Variants in RHOJ observed in about 807,000 individuals in gnomAD.
The protein encoded by RHOJ is rho-related GTP-binding protein RhoJ.
RHOJ carries 11 observed loss-of-function variants against 23.4 expected under a neutral mutation model. The observed-to-expected ratio is 0.47, with a 90% CI of 0.30 to 0.78. RHOJ has a LOEUF of 0.78. Among genes scored for constraint, RHOJ ranks in the 30% least tolerant of loss-of-function variants. The pLI, the probability that RHOJ is intolerant of heterozygous loss-of-function variation, is 0.08. For synonymous variants in RHOJ, 102 were observed against 102.7 expected (o/e 0.99, Z 0.04); for missense variants, 254 against 273.4 (o/e 0.93, Z 0.50).
chr14:63,269,297 C>T (rs1895424035), intron 2 of RHOJ, 129 bp downstream of exon 2: 1 of 610,202 alleles, frequency 1.6e-6, no homozygotes, highest in Admixed American at 2.8e-5. Flanking sequence ...AATTTATTGT[C>T]TGCCTAAATG....
At chr14:63,218,708 G>A (rs1330682416) in intron 1 of RHOJ, among the ~76,000 whole-genome samples, 1 of 152,124 alleles carries the variant, frequency 6.6e-6, no homozygotes, top group Non-Finnish European at 1.5e-5. Context: ...CTATACCAGG[G>A]TAATCTAGAA....
At chr14:63,283,100 T>C in intron 3 of RHOJ, 21 bp from the exon 4 acceptor site, 2 of 1,585,628 alleles carry the variant, frequency 1.3e-6, no homozygotes, top group Middle Eastern at 3.3e-4. Flanking sequence ...AAATAAGTTT[T>C]CACGTGTGTT....
intron 1 of RHOJ, among the ~76,000 whole-genome samples, chr14:63,213,686 G>T (rs72712549): frequency 0.045 from 6,873 of 152,130 alleles, 192 homozygotes; most frequent in East Asian, 0.12. Flanking sequence ...TCCTGCTTTT[G>T]GTCATATAAG....
At chr14:63,275,160 A>AT (rs1185119723) in intron 2 of RHOJ, among the ~76,000 whole-genome samples, 1 of 151,886 alleles carries the variant, frequency 6.6e-6, no homozygotes, top group Non-Finnish European at 1.5e-5. Flanking sequence ...TCTCTACAAC[A>AT]TTTTTTTAAT....
chr14:63,277,985 A>ACACC (rs1363786829), intron 2 of RHOJ, among the ~76,000 whole-genome samples: 2 of 151,958 alleles, frequency 1.3e-5, no homozygotes, highest in East Asian at 3.8e-4. Context: ...ACACACACAC[A>ACACC]CACACACACA....
At chr14:63,254,748 T>C (rs530892983) in intron 1 of RHOJ, among the ~76,000 whole-genome samples, 1 of 152,220 alleles carries the variant, frequency 6.6e-6, no homozygotes, top group South Asian at 2.1e-4. Flanking sequence ...CCTAAAGCCA[T>C]GCCCACACAG....
At chr14:63,213,085 C>T (rs367796476) in intron 1 of RHOJ, among the ~76,000 whole-genome samples, 273 of 152,276 alleles carry the variant, frequency 1.8e-3, no homozygotes, top group Middle Eastern at 0.014. Context: ...AACAGATAGG[C>T]TAAAATATAT....
chr14:63,232,694 C>CTTTT (rs373918863), intron 1 of RHOJ, among the ~76,000 whole-genome samples: 6 of 115,636 alleles, frequency 5.2e-5, no homozygotes, highest in Admixed American at 8.6e-5. Context: ...TTTTTCTTGC[C>CTTTT]TTTTTTTTTT....
chr14:63,217,452 T>G (rs567879490), intron 1 of RHOJ, among the ~76,000 whole-genome samples: 147 of 152,210 alleles, frequency 9.7e-4, no homozygotes, highest in African/African-American at 3.5e-3. Flanking sequence ...GGATTCCCTA[T>G]TTAATAAATG....
intron 1 of RHOJ, among the ~76,000 whole-genome samples, chr14:63,222,224 T>C (rs1297662467): frequency 1.3e-5 from 2 of 152,102 alleles, no homozygotes; most frequent in African/African-American, 4.8e-5. Context: ...TAGTCTATCA[T>C]TGATGGACAT....
chr14:63,287,614 T>C (rs79818316), intron 4 of RHOJ, among the ~76,000 whole-genome samples: 1 of 150,798 alleles, frequency 6.6e-6, no homozygotes, highest in Non-Finnish European at 1.5e-5. Flanking sequence ...TTTTTTTTTT[T>C]CTTATCACTC....
intron 1 of RHOJ, among the ~76,000 whole-genome samples, chr14:63,243,211 C>A (rs962916030): frequency 6.6e-6 from 1 of 152,226 alleles, no homozygotes; most frequent in African/African-American, 2.4e-5. Context: ...TATTTTTCCT[C>A]ATCTGTCTTG....
intron 3 of RHOJ, 140 bp downstream of exon 3, chr14:63,281,275 G>T: frequency 1.3e-6 from 1 of 772,988 alleles, no homozygotes; most frequent in South Asian, 2.8e-5. Context: ...AAGTTCTTAA[G>T]GTGTGCGTGA....
At chr14:63,207,768 C>T (rs2139724479) in intron 1 of RHOJ, among the ~76,000 whole-genome samples, 1 of 152,288 alleles carries the variant, frequency 6.6e-6, no homozygotes, top group East Asian at 1.9e-4. Context: ...GTTACTTAAC[C>T]TCTCTGTGCC....
At chr14:63,236,403 G>A (rs1488724107) in intron 1 of RHOJ, among the ~76,000 whole-genome samples, 2 of 152,192 alleles carry the variant, frequency 1.3e-5, no homozygotes, top group Non-Finnish European at 2.9e-5. Flanking sequence ...AGTTCCACAT[G>A]GCTGGGGAGG....
At chr14:63,236,750 C>CACACACAG (rs1424389427) in intron 1 of RHOJ, among the ~76,000 whole-genome samples, 22 of 128,758 alleles carry the variant, frequency 1.7e-4, no homozygotes, top group African/African-American at 5.5e-4. Context: ...AGGCTTGAAA[C>CACACACAG]ACACACACAC....
intron 1 of RHOJ, among the ~76,000 whole-genome samples, chr14:63,240,872 C>T (rs1367917738): frequency 9.2e-5 from 14 of 152,128 alleles, no homozygotes; most frequent in Admixed American, 9.2e-4. Flanking sequence ...CACTGTATTG[C>T]TTTTCCCATT....
intron 1 of RHOJ, among the ~76,000 whole-genome samples, chr14:63,266,365 C>T (rs1238398884): frequency 1.3e-5 from 2 of 152,174 alleles, no homozygotes; most frequent in Non-Finnish European, 2.9e-5. Flanking sequence ...CACCCAGCCC[C>T]GCTTCCCATC....
At position 63,291,023 on chromosome 14, in the gene RHOJ, G is replaced by C; in HGVS notation, c.644G>C (p.Ter215SerextTer73). 1 of 1,614,120 alleles carries C rather than the reference G, an allele frequency of 6.2e-7. No homozygotes were observed. The highest frequency in any genetic ancestry group is 8.5e-7 in the Non-Finnish European group (1 of 1,180,020). Reference sequence around the variant, plus strand: ...GGTCACAGCTGCTGTTCAATTATCTGAGGTTGTCTGGGACCTGCCTCCACC... The same window carrying C: ...GGTCACAGCTGCTGTTCAATTATCTCAGGTTGTCTGGGACCTGCCTCCACC... Reference protein sequence around the residue: ...SEGHSCCSII* With the variant: ...SEGHSCCSIIS The change falls in exon 5 of 5, where the codon TGA (stop) becomes TCA (serine). Residue 215 changes from the stop codon to serine, a stop_lost. Transcript: ENST00000316754.
Sources: gnomAD v4.1 joint callset for allele counts (sites outside exome capture counted in the v4.1 genomes callset) on GRCh38, gnomAD v4.1.1 for gene constraint, MANE v1.5 for transcripts, NCBI Gene and HGNC (gene_info 2026-07-23, HGNC 2026-07-21) for gene names.